Variants in PROSER1 observed in about 807,000 individuals in gnomAD.
PROSER1 encodes proline and serine rich 1.
A neutral mutation model predicts 71.8 loss-of-function variants in PROSER1; 36 were observed. The ratio of observed to expected loss-of-function variants is 0.50; its 90% CI spans 0.38 to 0.66. The LOEUF (loss-of-function observed/expected upper bound fraction) is 0.66. Ranked by LOEUF, PROSER1 falls within the 30% of genes least tolerant of loss-of-function variation. PROSER1 has a pLI of 0.00. For missense variants in PROSER1, 1,107 were observed against 1,135.0 expected (o/e 0.98, Z 0.35); for synonymous variants, 490 against 452.4 (o/e 1.08, Z -1.06).
chr13:39,029,440 TG>T (rs1259267769), intron 3 of PROSER1, 65 bp from the exon 4 acceptor site: 1 of 874,388 alleles, frequency 1.1e-6, no homozygotes, highest in Non-Finnish European at 1.7e-6. Flanking sequence ...TACCTTTTTC[TG>T]GAAGTACAGT....
intron 3 of PROSER1, among the ~76,000 whole-genome samples, chr13:39,029,906 T>C (rs1459554204): frequency 6.6e-6 from 1 of 152,240 alleles, no homozygotes; most frequent in Non-Finnish European, 1.5e-5. Context: ...TTTAATTTAA[T>C]GTGCATTGTG....
chr13:39,037,412 A>C lies in PROSER1; in HGVS notation c.-170T>G. 2 of 586,068 alleles carry C rather than the reference A, an allele frequency of 3.4e-6. No individual in the cohort carries two copies. Among genetic ancestry groups the C allele is most frequent in the Non-Finnish European group, 6.1e-6 (2 of 328,044 alleles). The allele number at this position is 586,068 out of a possible 1,614,324, so 36.3% of individuals were successfully genotyped here. A position where few individuals can be genotyped will look rare whatever the true frequency, so the allele number is the denominator to read the frequency against. ...AGAGTATTGCAAACTTCGCAAAAAA[A>C]ATTTCTAAAAATTGAGATTCAGAAA... On this transcript the variant is annotated 5_prime_UTR_variant, in exon 1 of 13. The change creates a new upstream start codon in the 5' untranslated region. Coordinates refer to ENST00000352251, the MANE Select transcript of PROSER1 (RefSeq NM_025138.5).
At chr13:39,020,622 T>C (rs1005171938) in intron 9 of PROSER1, among the ~76,000 whole-genome samples, 14 of 152,298 alleles carry the variant, frequency 9.2e-5, no homozygotes, top group African/African-American at 3.1e-4. Context: ...AATTAATTTT[T>C]TGTTAAAAAA....
chr13:39,027,715 G>A (rs1011694760), intron 5 of PROSER1, among the ~76,000 whole-genome samples: 8 of 152,060 alleles, frequency 5.3e-5, no homozygotes, highest in South Asian at 2.1e-4. Context: ...TCCAGACATC[G>A]CAATCCTACC....
chr13:39,031,595 G>T lies in PROSER1; in HGVS notation c.148C>A (p.Pro50Thr), dbSNP rs1422726889. ...DLLRYFSWAEPQLKAMKALQH... is the reference protein window; with the variant it reads ...DLLRYFSWAETQLKAMKALQH... ...AATGCTTTCATTGCCTTCAACTGGG[G>T]CTCGGCCCAGGAAAAATATCTCAGC... is the stretch of plus-strand genomic sequence containing the variant. The change falls in exon 3 of 13, where the codon CCC (proline) becomes ACC (threonine). Residue 50 changes from proline to threonine, a missense_variant. By Grantham distance (38) the Pro-to-Thr change is conservative. Coordinates refer to ENST00000352251, the MANE Select transcript of PROSER1 (RefSeq NM_025138.5). 1 of 1,613,070 alleles carries T rather than the reference G, an allele frequency of 6.2e-7. No homozygotes were observed. Among genetic ancestry groups the T allele is most frequent in the Admixed American group, 1.7e-5 (1 of 59,748 alleles).
intron 12 of PROSER1, 82 bp from the exon 13 acceptor site, chr13:39,011,569 G>A (rs1336868428): frequency 8.6e-6 from 12 of 1,388,128 alleles, no homozygotes; most frequent in South Asian, 3.8e-5. Context: ...GCCACACAGA[G>A]ATATTCAGAA....
In PROSER1 at chr13:39,011,112, T is replaced by C. The variant is rs1233022403; in HGVS notation, c.*253A>G. On this transcript the variant is annotated 3_prime_UTR_variant, in exon 13 of 13. Transcript: ENST00000352251. ...ATCACATACACAATTCAAAATTTTA[T>C]AGGACAGGTGAAAAGTCTCCAAACA... 8 of 398,384 alleles carry C rather than the reference T, an allele frequency of 2.0e-5. No homozygotes were observed. The highest frequency in any genetic ancestry group is 1.5e-4 in the African/African-American group (7 of 48,110). The allele number at this position is 398,384 out of a possible 1,614,324, so 24.7% of individuals were successfully genotyped here.
rs752903684 is a variant in PROSER1 at position 39,013,338 on chromosome 13, T to G, written c.1914A>C (p.Thr638=). The change falls in exon 11 of 13, where the codon ACA becomes ACC. Residue 638 remains threonine (T), a synonymous_variant. Transcript: ENST00000352251. Reference sequence around the variant, plus strand: ...ATGTTGAAGTATATGCACGGCCCAATGTCCCTGACAAACCTAAAGTGCCAT... The same window carrying G: ...ATGTTGAAGTATATGCACGGCCCAAGGTCCCTGACAAACCTAAAGTGCCAT... The part of the protein sequence containing the change: ...PSHGTLGLSG[T]LGRAYTSTSV... The G allele has an allele frequency of 6.2e-7, 1 of 1,614,056 alleles. No individual in the cohort carries two copies. Among genetic ancestry groups the G allele is most frequent in the African/African-American group, 1.3e-5 (1 of 74,902 alleles).
intron 9 of PROSER1, among the ~76,000 whole-genome samples, chr13:39,020,722 T>C (rs1481620309): frequency 1.3e-5 from 2 of 152,220 alleles, no homozygotes; most frequent in Non-Finnish European, 2.9e-5. Context: ...GTGAAGAAAC[T>C]GTAGCCTCAT....
At chr13:39,023,283 C>A (rs568261276) in intron 7 of PROSER1, 153 bp from the exon 8 acceptor site, 2 of 566,094 alleles carry the variant, frequency 3.5e-6, no homozygotes, top group East Asian at 2.8e-5. Context: ...AGGGAAATTT[C>A]TTTGCTTTAA....
chr13:39,011,203 T>A lies in PROSER1; in HGVS notation c.*162A>T. ...ATTTACATAGGGGAGTGTTCACACT[T>A]TAAAATGCAACCACAATTTTCAAAT... On this transcript the variant is annotated 3_prime_UTR_variant, in exon 13 of 13. Coordinates refer to ENST00000352251, the MANE Select transcript of PROSER1 (RefSeq NM_025138.5). The A allele has an allele frequency of 1.4e-6, 1 of 709,814 alleles. No homozygotes were observed. The allele number at this position is 709,814 out of a possible 1,614,324, so 44.0% of individuals were successfully genotyped here. A position where few individuals can be genotyped will look rare whatever the true frequency, so the allele number is the denominator to read the frequency against.
rs769387228 is a variant in PROSER1 at position 39,013,281 on chromosome 13, A to C, written c.1971T>G (p.Asn657Lys). 2.5e-6 allele frequency: 4 copies of C among 1,614,212 alleles called. No individual in the cohort carries two copies. The South Asian group carries it at 4.4e-5, about 18-fold the overall frequency. ...SVPISLSACLNPALSGLSSLS... is the reference protein window; with the variant it reads ...SVPISLSACLKPALSGLSSLS... ...AGCTGGAGAGACCTGACAATGCAGGATTAAGGCAAGCAGATAAACTGATGG... is the reference window on the plus strand; with the variant it reads ...AGCTGGAGAGACCTGACAATGCAGGCTTAAGGCAAGCAGATAAACTGATGG... Residue 657 changes from asparagine to lysine, a missense_variant, in exon 11 of 13, where the codon AAT becomes AAG. Physicochemically the swap from Asn to Lys is moderately conservative, Grantham distance 94. Transcript: ENST00000352251.
rs138168567 is a variant in PROSER1 at position 39,014,173 on chromosome 13, G to A, written c.1079C>T (p.Ser360Phe). ...CAGTGACACTAGGCCAGAAAAAATGGAAGGAACAGGAGTGGTGGTTGTACT... is the reference window on the plus strand; with the variant it reads ...CAGTGACACTAGGCCAGAAAAAATGAAAGGAACAGGAGTGGTGGTTGTACT... ...IHSTTTTPVPSIFSGLVSLPG... is the reference protein window; with the variant it reads ...IHSTTTTPVPFIFSGLVSLPG... Residue 360 changes from serine to phenylalanine, a missense_variant, in exon 11 of 13, where the codon TCC (serine) becomes TTC (phenylalanine). Coordinates refer to ENST00000352251, the MANE Select transcript of PROSER1 (RefSeq NM_025138.5). 1 of 1,614,184 alleles carries A rather than the reference G, an allele frequency of 6.2e-7. No homozygotes were observed. The highest frequency in any genetic ancestry group is 8.5e-7 in the Non-Finnish European group (1 of 1,180,042).
rs760774212 is a variant in PROSER1 at position 39,013,186 on chromosome 13, G to A, written c.2066C>T (p.Pro689Leu). The A allele has an allele frequency of 6.2e-7, 1 of 1,614,094 alleles. No homozygotes were observed. Among genetic ancestry groups the A allele is most frequent in the Non-Finnish European group, 8.5e-7 (1 of 1,179,980 alleles). Residue 689 changes from proline (P) to leucine (L), a missense_variant, in exon 11 of 13, where the codon CCC becomes CTC. Pro to Leu is a moderately conservative substitution (Grantham distance 98, BLOSUM62 -3). Transcript: ENST00000352251. ...AAGAGCAGTGAATACTGGTGCAATG[G>A]GAGTGGAGGAACCATGTGGTGGAAG... ...ISLPPHGSST[P>L]IAPVFTALPS... is the part of the protein sequence containing the mutation.
intron 9 of PROSER1, 33 bp from the exon 10 acceptor site, chr13:39,017,577 CTT>C (rs1190681245): frequency 8.6e-7 from 1 of 1,167,198 alleles, no homozygotes; most frequent in African/African-American, 1.6e-5. Flanking sequence ...TCATTTTAAA[CTT>C]TAATCAAATA....
intron 5 of PROSER1, 192 bp from the exon 6 acceptor site, chr13:39,026,579 T>C: frequency 2.1e-6 from 1 of 471,796 alleles, no homozygotes; most frequent in Non-Finnish European, 3.7e-6. Context: ...ATGGAATAAT[T>C]AAAATGGTTA....
intron 9 of PROSER1, among the ~76,000 whole-genome samples, chr13:39,018,210 C>A (rs150979658): frequency 2.1e-3 from 322 of 152,214 alleles, no homozygotes; most frequent in Middle Eastern, 6.8e-3. Context: ...AAGCACACTC[C>A]TCAAGGGAAA....
intron 1 of PROSER1, among the ~76,000 whole-genome samples, chr13:39,034,643 C>T (rs922095717): frequency 6.6e-6 from 1 of 152,266 alleles, no homozygotes; most frequent in South Asian, 2.1e-4. Flanking sequence ...AAGAATAAGA[C>T]AAGGTCTAGT....
At chr13:39,016,776 T>G (rs1007665366) in intron 10 of PROSER1, among the ~76,000 whole-genome samples, 8 of 152,198 alleles carry the variant, frequency 5.3e-5, no homozygotes, top group African/African-American at 1.7e-4. Flanking sequence ...CTACCTCCTT[T>G]AGAAACTACC....
Sources: gnomAD v4.1 joint callset for allele counts (sites outside exome capture counted in the v4.1 genomes callset) on GRCh38, gnomAD v4.1.1 for gene constraint, MANE v1.5 for transcripts, NCBI Gene and HGNC (gene_info 2026-07-23, HGNC 2026-07-21) for gene names.